The following CATSPERE variants were observed in gnomAD, a reference collection of about 807,000 sequenced individuals.
CATSPERE encodes cation channel sperm-associated auxiliary subunit epsilon.
A neutral mutation model predicts 114.1 loss-of-function variants in CATSPERE; 93 were observed. The ratio of observed to expected loss-of-function variants is 0.81; its 90% CI spans 0.69 to 0.97. The LOEUF (loss-of-function observed/expected upper bound fraction) is 0.97, where lower values mean the gene tolerates loss of function less well. CATSPERE is among the 50% of genes least tolerant of loss of function. The probability of loss-of-function intolerance (pLI) is 0.00; values close to 1 mark genes in which losing one functional copy is unlikely to be tolerated. For missense variants in CATSPERE, 1,058 were observed against 1,131.6 expected, an observed-to-expected ratio of 0.93 and a Z score of 0.93; for synonymous variants, 341 against 384.1, an observed-to-expected ratio of 0.89 and a Z score of 1.31.
rs3006046 is a variant in CATSPERE at position 244,517,684 on chromosome 1, A to C, written c.430-908A>C. Among the ~76,000 whole-genome samples, 1,104 of 151,824 alleles carry C rather than the reference A, an allele frequency of 7.3e-3. 24 individuals carry two copies. The highest frequency in any genetic ancestry group is 0.025 in the African/African-American group (1,029 of 41,200). On this transcript the variant is annotated intron_variant, in intron 7 of 21. Transcript: ENST00000366534. The stretch of plus-strand genomic sequence containing the variant: ...GCTACTTGGGAGGCTGAAGTAGGAG[A>C]ATCGCTTGAACCCAGGAGGTAGAGG...
chr1:244,589,814 T>A (rs1013451376), intron 14 of CATSPERE, among the ~76,000 whole-genome samples: 1 of 152,162 alleles, frequency 6.6e-6, no homozygotes, highest in Non-Finnish European at 1.5e-5. Flanking sequence ...ACTATCAAGC[T>A]CAGTTACTCA....
intron 7 of CATSPERE, among the ~76,000 whole-genome samples, chr1:244,514,828 C>CAAA (rs371207477): frequency 4.7e-4 from 20 of 42,136 alleles, no homozygotes; most frequent in East Asian, 2.5e-3. Context: ...GACTCCATCT[C>CAAA]AAAAAAAAAA....
chr1:244,546,971 A>C (rs3003233), intron 8 of CATSPERE, among the ~76,000 whole-genome samples: 1 of 151,964 alleles, frequency 6.6e-6, no homozygotes, highest in African/African-American at 2.4e-5. Flanking sequence ...ATCCAGGTAC[A>C]TAAAGATTAA....
intron 8 of CATSPERE, among the ~76,000 whole-genome samples, chr1:244,546,821 G>A (rs1659829232): frequency 6.6e-6 from 1 of 152,090 alleles, no homozygotes; most frequent in Non-Finnish European, 1.5e-5. Context: ...AATGAAGAAA[G>A]CCAGTGGGAT....
At chr1:244,472,870 CA>C (rs1294540811) in intron 2 of CATSPERE, among the ~76,000 whole-genome samples, 11 of 151,952 alleles carry the variant, frequency 7.2e-5, no homozygotes, top group African/African-American at 2.7e-4. Context: ...TAGTGGGAAT[CA>C]AACAGTATGT....
intron 20 of CATSPERE, among the ~76,000 whole-genome samples, chr1:244,635,184 CTTT>C (rs933617780): frequency 6.6e-6 from 1 of 152,034 alleles, no homozygotes; most frequent in Admixed American, 6.5e-5. Flanking sequence ...TAAATGTTAG[CTTT>C]TTTTTATTTC....
At chr1:244,562,989 G>T (rs565779682) in intron 10 of CATSPERE, among the ~76,000 whole-genome samples, 1 of 152,132 alleles carries the variant, frequency 6.6e-6, no homozygotes, top group Non-Finnish European at 1.5e-5. Context: ...ACGGTATTTG[G>T]TTTTCTGTTC....
chr1:244,555,382 CAAA>C (rs760097677), intron 9 of CATSPERE, among the ~76,000 whole-genome samples: 14 of 84,532 alleles, frequency 1.7e-4, no homozygotes, highest in Non-Finnish European at 1.8e-4. Flanking sequence ...GACTCCATCC[CAAA>C]AAAAAAAAAA....
intron 2 of CATSPERE, among the ~76,000 whole-genome samples, chr1:244,470,517 G>A (rs1668306864): frequency 6.6e-6 from 1 of 152,134 alleles, no homozygotes. Context: ...ATAATAACAA[G>A]TGTTCGTGGG....
chr1:244,514,828 C>CAA (rs371207477), intron 7 of CATSPERE, among the ~76,000 whole-genome samples: 247 of 39,840 alleles, frequency 6.2e-3, no homozygotes, highest in African/African-American at 7.2e-3. Context: ...GACTCCATCT[C>CAA]AAAAAAAAAA....
intron 10 of CATSPERE, among the ~76,000 whole-genome samples, chr1:244,571,828 C>G (rs1038908069): frequency 6.6e-6 from 1 of 152,058 alleles, no homozygotes; most frequent in East Asian, 1.9e-4. Context: ...TCTGTGTGTC[C>G]GGAGAGATCC....
intron 20 of CATSPERE, among the ~76,000 whole-genome samples, chr1:244,632,957 C>A (rs1400037307): frequency 1.3e-5 from 2 of 151,990 alleles, no homozygotes; most frequent in African/African-American, 4.8e-5. Context: ...AAAGATAAAC[C>A]ATGCTAATAG....
At chr1:244,580,720 G>A (rs763870861) in intron 11 of CATSPERE, among the ~76,000 whole-genome samples, 4 of 151,722 alleles carry the variant, frequency 2.6e-5, no homozygotes, top group South Asian at 2.1e-4. Flanking sequence ...CTTACTTTTC[G>A]GCCAGGCATA....
chr1:244,539,188 G>A (rs926237861), intron 8 of CATSPERE, among the ~76,000 whole-genome samples: 3 of 151,996 alleles, frequency 2.0e-5, no homozygotes, highest in South Asian at 4.2e-4. Context: ...ATGAAGGGTT[G>A]TTGAATTTTG....
chr1:244,590,255 T>C (rs559580885), intron 14 of CATSPERE, among the ~76,000 whole-genome samples: 6 of 152,338 alleles, frequency 3.9e-5, no homozygotes, highest in African/African-American at 1.2e-4. Context: ...CTAGAAATTA[T>C]GTTAATCCTT....
intron 7 of CATSPERE, among the ~76,000 whole-genome samples, chr1:244,501,893 T>G (rs1674090127): frequency 6.6e-6 from 1 of 152,230 alleles, no homozygotes; most frequent in Non-Finnish European, 1.5e-5. Context: ...TCTACACATC[T>G]TGCCTCCGGC....
At chr1:244,624,128 A>ATTTTTTTTTTTTTTTTTTTTTTTTTT in intron 20 of CATSPERE, among the ~76,000 whole-genome samples, 1 of 125,944 alleles carries the variant, frequency 7.9e-6, no homozygotes, top group Non-Finnish European at 1.6e-5. Context: ...TGCCCAGCTA[A>ATTTTTTTTTTTTTTTTTTTTTTTTTT]TTTTTTTTTT....
At chr1:244,604,911 C>T (rs1669775064) in intron 17 of CATSPERE, among the ~76,000 whole-genome samples, 1 of 152,170 alleles carries the variant, frequency 6.6e-6, no homozygotes, top group Non-Finnish European at 1.5e-5. Context: ...ACCTGTGTCT[C>T]CAGCTGTAGC....
chr1:244,518,184 T>C (rs147136733), intron 7 of CATSPERE, among the ~76,000 whole-genome samples: 1 of 152,304 alleles, frequency 6.6e-6, no homozygotes, highest in Non-Finnish European at 1.5e-5. Flanking sequence ...AGCCCCCAGG[T>C]ATCGTTTGAA....
Sources: gnomAD v4.1 joint callset for allele counts (sites outside exome capture counted in the v4.1 genomes callset) on GRCh38, gnomAD v4.1.1 for gene constraint, MANE v1.5 for transcripts, NCBI Gene and HGNC (gene_info 2026-07-23, HGNC 2026-07-21) for gene names.